Variants in KAZN observed in about 807,000 individuals in gnomAD.
KAZN encodes kazrin, periplakin interacting protein.
KAZN carries 40 observed loss-of-function variants against 87.4 expected under a neutral mutation model. The ratio of observed to expected loss-of-function variants is 0.46; its 90% CI spans 0.36 to 0.60. The LOEUF is 0.60. KAZN is among the 20% of genes least tolerant of loss of function. The pLI is 0.00. For synonymous variants in KAZN, 466 were observed against 458.3 expected (o/e 1.02, Z -0.22); for missense variants, 898 against 1,073.9 (o/e 0.84, Z 2.29).
chr1:14,777,951 T>A (rs1388478312), intron 1 of KAZN, among the ~76,000 whole-genome samples: 1 of 152,180 alleles, frequency 6.6e-6, no homozygotes, highest in Non-Finnish European at 1.5e-5. Context: ...TAATGAGCCA[T>A]GAGGACGATC....
intron 1 of KAZN, among the ~76,000 whole-genome samples, chr1:14,918,071 G>A (rs556476574): frequency 6.6e-5 from 10 of 152,104 alleles, no homozygotes; most frequent in Admixed American, 2.0e-4. Flanking sequence ...TAGAGATGGG[G>A]TTTCACCATG....
intron 1 of KAZN, among the ~76,000 whole-genome samples, chr1:14,694,062 T>G (rs1363227290): frequency 6.6e-6 from 1 of 152,230 alleles, no homozygotes; most frequent in African/African-American, 2.4e-5. Flanking sequence ...TTGAATAGCA[T>G]CATATTTCAA....
chr1:15,107,000 A>G (rs1481468312), intron 13 of KAZN, among the ~76,000 whole-genome samples: 2 of 152,226 alleles, frequency 1.3e-5, no homozygotes, highest in East Asian at 3.9e-4. Context: ...TGAAGGCAAT[A>G]TGGCCTGTCA....
At chr1:14,138,271 A>C (rs1384873086) in intron 1 of KAZN, among the ~76,000 whole-genome samples, 1 of 152,090 alleles carries the variant, frequency 6.6e-6, no homozygotes, top group Admixed American at 6.5e-5. Context: ...GTCATCAAGG[A>C]CACAGGTTCT....
At chr1:14,750,333 G>A (rs143779534) in intron 1 of KAZN, among the ~76,000 whole-genome samples, 220 of 152,208 alleles carry the variant, frequency 1.4e-3, no homozygotes, top group African/African-American at 4.4e-3. Flanking sequence ...GAGCAGCCAC[G>A]GCTCCTGAAT....
At chr1:14,477,425 CCTCT>C (rs34725397) in intron 2 of KAZN, among the ~76,000 whole-genome samples, 7 of 142,332 alleles carry the variant, frequency 4.9e-5, no homozygotes, top group Non-Finnish European at 7.8e-5. Flanking sequence ...TAATTCATTC[CCTCT>C]CTCTCTCTCT....
chr1:14,618,099 TA>T (rs1678394528), intron 1 of KAZN, among the ~76,000 whole-genome samples: 1 of 152,252 alleles, frequency 6.6e-6, no homozygotes, highest in African/African-American at 2.4e-5. Flanking sequence ...CTCTCATTGC[TA>T]AGCAAGGAAA....
At chr1:14,833,752 G>C (rs763494542) in intron 1 of KAZN, among the ~76,000 whole-genome samples, 1 of 152,022 alleles carries the variant, frequency 6.6e-6, no homozygotes, top group Non-Finnish European at 1.5e-5. Flanking sequence ...CTTGTTCCTC[G>C]TCCCGGAACC....
chr1:14,959,753 T>C (rs1557662155), intron 1 of KAZN, among the ~76,000 whole-genome samples: 1 of 152,162 alleles, frequency 6.6e-6, no homozygotes, highest in Non-Finnish European at 1.5e-5. Flanking sequence ...CAGCACCCCT[T>C]AGCAGTTCTG....
chr1:14,399,933 A>T (rs12045062), intron 2 of KAZN, among the ~76,000 whole-genome samples: 18,823 of 152,102 alleles, frequency 0.12, 1,370 homozygotes, highest in East Asian at 0.23. Context: ...ACATGACTTA[A>T]CGGAGTGACT....
At chr1:14,907,622 G>A (rs936972881) in intron 1 of KAZN, among the ~76,000 whole-genome samples, 10 of 152,144 alleles carry the variant, frequency 6.6e-5, no homozygotes, top group Admixed American at 1.3e-4. Context: ...ACTCTGCCCG[G>A]GCATGTCCTG....
chr1:13,973,662 G>T (rs1254824884), intron 1 of KAZN, among the ~76,000 whole-genome samples: 1 of 152,178 alleles, frequency 6.6e-6, no homozygotes, highest in Non-Finnish European at 1.5e-5. Context: ...CCACACCTTC[G>T]TGCCTAATCC....
chr1:14,035,462 C>CT lies in KAZN; in HGVS notation c.91+141719dup, dbSNP rs770587340. On this transcript the variant is annotated intron_variant, in intron 1 of 16. Coordinates refer to the KAZN transcript ENST00000636203. ...GAAGTTTCTTTTGCCTTTTTTTCTTCTTTTTTTTTTTTTCTGAGACAGGTC... is the reference window on the plus strand; with the variant it reads ...GAAGTTTCTTTTGCCTTTTTTTCTTCTTTTTTTTTTTTTTCTGAGACAGGTC... Among the ~76,000 whole-genome samples, 606 of 144,250 alleles carry CT rather than the reference C, an allele frequency of 4.2e-3. 1 individual carries two copies. Among genetic ancestry groups the CT allele is most frequent in the African/African-American group, 0.01 (413 of 39,602 alleles). 94.6% of individuals were successfully genotyped at this position (144,250 alleles called of 152,430 possible).
At chr1:14,494,813 C>T (rs370115403) in intron 2 of KAZN, among the ~76,000 whole-genome samples, 48 of 152,186 alleles carry the variant, frequency 3.2e-4, no homozygotes, top group African/African-American at 1.1e-3. Flanking sequence ...AAAATGCATT[C>T]GGTGCAGCAT....
intron 2 of KAZN, among the ~76,000 whole-genome samples, chr1:14,234,202 T>G (rs996573206): frequency 2.0e-5 from 3 of 152,144 alleles, no homozygotes; most frequent in African/African-American, 7.2e-5. Flanking sequence ...ATATATACCA[T>G]GGAATACTAT....
intron 1 of KAZN, among the ~76,000 whole-genome samples, chr1:14,121,402 C>T (rs12066491): frequency 0.4 from 61,431 of 151,782 alleles, 13,090 homozygotes; most frequent in East Asian, 0.67. Context: ...AGTGGGGCGG[C>T]GGGGGTGTGT....
At chr1:15,047,120 T>C (rs757494478) in intron 4 of KAZN, among the ~76,000 whole-genome samples, 2 of 152,204 alleles carry the variant, frequency 1.3e-5, no homozygotes, top group Non-Finnish European at 2.9e-5. Flanking sequence ...CTCAGGTTGA[T>C]TGGTTTATGT....
intron 1 of KAZN, among the ~76,000 whole-genome samples, chr1:14,713,796 A>G (rs1216167685): frequency 1.4e-5 from 2 of 145,128 alleles, no homozygotes; most frequent in African/African-American, 5.3e-5. Context: ...AAAAAAAAAA[A>G]AAAAGAAAGA....
intron 2 of KAZN, among the ~76,000 whole-genome samples, chr1:14,987,484 A>G (rs1351017005): frequency 6.6e-6 from 1 of 151,486 alleles, no homozygotes; most frequent in Non-Finnish European, 1.5e-5. Context: ...ACAGGGCAAG[A>G]CTCCATCTCA....
Sources: gnomAD v4.1 joint callset for allele counts (sites outside exome capture counted in the v4.1 genomes callset) on GRCh38, gnomAD v4.1.1 for gene constraint, MANE v1.5 for transcripts, NCBI Gene and HGNC (gene_info 2026-07-23, HGNC 2026-07-21) for gene names.